Variants in RCOR1 observed in about 807,000 individuals in gnomAD.
RCOR1 encodes the protein REST corepressor.
In RCOR1, 12 loss-of-function variants were observed where a neutral mutation model predicts 64.0. The observed-to-expected ratio is 0.19, with a 90% confidence interval of 0.12 to 0.30. The LOEUF is 0.30. Ranked by LOEUF, RCOR1 falls within the 10% of genes least tolerant of loss-of-function variation. The pLI is 1.00. For missense variants in RCOR1, 502 were observed against 621.2 expected (o/e 0.81, Z 2.04); for synonymous variants, 279 against 227.2 (o/e 1.23, Z -2.05).
At chr14:102,685,845 C>G (rs977309725) in intron 3 of RCOR1, among the ~76,000 whole-genome samples, 6 of 151,882 alleles carry the variant, frequency 4.0e-5, no homozygotes, top group African/African-American at 1.5e-4. Context: ...GCCTGTAGTC[C>G]CAGCACTTGG....
intron 3 of RCOR1, among the ~76,000 whole-genome samples, chr14:102,700,274 T>G (rs994721774): frequency 6.6e-6 from 1 of 152,140 alleles, no homozygotes; most frequent in African/African-American, 2.4e-5. Context: ...CAGGCTGGAG[T>G]GCAGTGGTGC....
chr14:102,641,922 G>A (rs1022057953), intron 2 of RCOR1, among the ~76,000 whole-genome samples: 7 of 152,086 alleles, frequency 4.6e-5, no homozygotes, highest in African/African-American at 1.4e-4. Context: ...TGAACTTGTA[G>A]CTTCATAGGG....
intron 2 of RCOR1, among the ~76,000 whole-genome samples, chr14:102,620,754 T>G (rs144023296): frequency 3.9e-5 from 6 of 152,298 alleles, no homozygotes; most frequent in African/African-American, 9.6e-5. Flanking sequence ...TGTTCCTCTG[T>G]GGCTTACAAC....
At chr14:102,720,212 C>A (rs928074964) in intron 8 of RCOR1, among the ~76,000 whole-genome samples, 15 of 152,184 alleles carry the variant, frequency 9.9e-5, no homozygotes, top group African/African-American at 3.6e-4. Flanking sequence ...GTTCAGAGTT[C>A]CCTGGTGCTT....
At chr14:102,723,110 G>C (rs780448062) in intron 11 of RCOR1, among the ~76,000 whole-genome samples, 29 of 152,216 alleles carry the variant, frequency 1.9e-4, no homozygotes, top group Non-Finnish European at 3.2e-4. Flanking sequence ...GCCTGGGGCT[G>C]GGCATAAGAA....
intron 2 of RCOR1, chr14:102,655,474 T>C: frequency 1.0e-6 from 1 of 981,346 alleles, no homozygotes; most frequent in Non-Finnish European, 1.2e-6. Flanking sequence ...CACAGTATTT[T>C]CCTATGTTTT....
chr14:102,599,243 C>T (rs1595188198), intron 2 of RCOR1, among the ~76,000 whole-genome samples: 1 of 151,956 alleles, frequency 6.6e-6, no homozygotes, highest in East Asian at 1.9e-4. Flanking sequence ...CCCATCCATA[C>T]TTTACCTCGA....
At chr14:102,648,182 A>G (rs1832771458) in intron 2 of RCOR1, among the ~76,000 whole-genome samples, 1 of 151,982 alleles carries the variant, frequency 6.6e-6, no homozygotes. Context: ...GGGTTCAGAC[A>G]ATTCTCCTGC....
In RCOR1 at chr14:102,646,872, C is replaced by T. The variant is rs188064294; in HGVS notation, c.362-35023C>T. On this transcript the variant is annotated intron_variant, in intron 2 of 11. Coordinates refer to ENST00000262241, the MANE Select transcript of RCOR1 (RefSeq NM_015156.4). The stretch of plus-strand genomic sequence containing the variant: ...TGGGAGAGGGAGGGAGAAGGGAGAG[C>T]GGTTATGTACAAGAGAGACAACTAA... Among the ~76,000 whole-genome samples, 762 of 152,038 alleles carry T rather than the reference C, an allele frequency of 5.0e-3. 3 individuals are homozygous for T. Among genetic ancestry groups the T allele is most frequent in the African/African-American group, 0.018 (737 of 41,454 alleles).
At chr14:102,697,723 A>ATT (rs1347240556) in intron 3 of RCOR1, among the ~76,000 whole-genome samples, 5 of 140,916 alleles carry the variant, frequency 3.5e-5, no homozygotes, top group Admixed American at 7.2e-5. Context: ...TCTTCCAAGA[A>ATT]TTTTTTTTTT....
At chr14:102,683,417 C>T (rs1895345414) in intron 3 of RCOR1, among the ~76,000 whole-genome samples, 1 of 152,196 alleles carries the variant, frequency 6.6e-6, no homozygotes, top group African/African-American at 2.4e-5. Flanking sequence ...GAAAAACAGA[C>T]TCCCGAGCCA....
rs1567399760 is a variant in RCOR1 at position 102,592,809 on chromosome 14, G to A, written c.-78G>A. On this transcript the variant is annotated 5_prime_UTR_variant, in exon 1 of 12. Coordinates refer to ENST00000262241, the MANE Select transcript of RCOR1 (RefSeq NM_015156.4). Reference sequence around the variant, plus strand: ...CCGCCCGGCCCCGCGCCGGCCCCGCGCCCCCTCCCCCGTCTCGGCGCCCCC... The same window carrying A: ...CCGCCCGGCCCCGCGCCGGCCCCGCACCCCCTCCCCCGTCTCGGCGCCCCC... 17 of 1,168,840 alleles carry A rather than the reference G, an allele frequency of 1.5e-5. No homozygotes were observed. The East Asian group carries it at 6.5e-4, about 45-fold the overall frequency. The allele number at this position is 1,168,840 out of a possible 1,614,324, so 72.4% of individuals were successfully genotyped here.
intron 2 of RCOR1, chr14:102,650,926 C>G (rs1894575492): frequency 1.4e-6 from 1 of 735,120 alleles, no homozygotes; most frequent in African/African-American, 1.9e-5. Context: ...TATTGAATAA[C>G]TTAATTATCT....
intron 8 of RCOR1, 45 bp from the exon 9 acceptor site, chr14:102,720,962 A>G (rs771745894): frequency 2.2e-5 from 23 of 1,063,682 alleles, no homozygotes; most frequent in Admixed American, 9.5e-5. Context: ...TCATACCTTT[A>G]TATAGTTTTT....
rs188601752 is a variant in RCOR1, at chr14:102,657,960, A to T, written c.362-23935A>T. 1.7e-4 allele frequency: 161 copies of T among 964,704 alleles called. No individual in the cohort carries two copies. In the African/African-American group the frequency reaches 2.6e-3, roughly 16 times the overall value. 59.8% of individuals were successfully genotyped at this position (964,704 alleles called of 1,614,324 possible). On this transcript the variant is annotated intron_variant, in intron 2 of 11. Transcript: ENST00000262241. ...TTCTTTATGAGGGGTGTTCTTTTTA[A>T]TTTAATTTAATTAATTTTTATTTAT...
At chr14:102,611,572 A>G (rs1190288533) in intron 2 of RCOR1, among the ~76,000 whole-genome samples, 1 of 152,164 alleles carries the variant, frequency 6.6e-6, no homozygotes, top group Non-Finnish European at 1.5e-5. Flanking sequence ...ATTTCTATAA[A>G]TATTCTTGAG....
chr14:102,662,897 A>G (rs1432506493), intron 2 of RCOR1, among the ~76,000 whole-genome samples: 1 of 152,196 alleles, frequency 6.6e-6, no homozygotes, highest in Non-Finnish European at 1.5e-5. Context: ...ATAAATTGCT[A>G]GAGGCTCGGG....
At chr14:102,634,602 G>A (rs7146180) in intron 2 of RCOR1, among the ~76,000 whole-genome samples, 168 of 8,492 alleles carry the variant, frequency 0.02, 2 homozygotes, top group South Asian at 0.14. Flanking sequence ...TTTATATTAC[G>A]TGTGTGTGTG....
chr14:102,711,171 T>A (rs1264221788), intron 7 of RCOR1, among the ~76,000 whole-genome samples, 158 bp downstream of exon 7: 1 of 152,234 alleles, frequency 6.6e-6, no homozygotes, highest in Non-Finnish European at 1.5e-5. Flanking sequence ...GCTTTATAGA[T>A]TGTATAATTT....
Sources: allele counts gnomAD v4.1 joint callset (sites outside exome capture counted in the v4.1 genomes callset), GRCh38; gene constraint gnomAD v4.1.1; transcripts MANE v1.5; gene names NCBI Gene and HGNC (gene_info 2026-07-23, HGNC 2026-07-21).